ARB2A: variants seen among roughly 807,000 people sequenced by gnomAD.
ARB2A encodes the protein ARB2 cotranscriptional regulator A.
At chr5:93,798,115 G>C in the ARB2A span, among the ~76,000 whole-genome samples, 6 of 152,062 alleles carry the variant, frequency 3.9e-5, no homozygotes, top group African/African-American at 1.4e-4. Context: ...ACTATGCATA[G>C]GAATGAGGAA....
the ARB2A span, among the ~76,000 whole-genome samples, chr5:94,037,449 A>T: frequency 6.6e-6 from 1 of 152,146 alleles, no homozygotes; most frequent in Admixed American, 6.5e-5. Context: ...CCATTATAAC[A>T]GCAATAATAA....
the ARB2A span, among the ~76,000 whole-genome samples, chr5:93,749,446 C>A: frequency 4.6e-5 from 7 of 152,100 alleles, no homozygotes; most frequent in Non-Finnish European, 1.0e-4. Context: ...TTCAACTAAA[C>A]CATGGTAGCA....
chr5:93,922,406 T>G, the ARB2A span, among the ~76,000 whole-genome samples: 1 of 151,604 alleles, frequency 6.6e-6, no homozygotes, highest in Admixed American at 6.6e-5. Context: ...TGGTGGCGCA[T>G]GCCTATAATC....
At chr5:93,691,885 G>A in the ARB2A span, among the ~76,000 whole-genome samples, 4 of 152,102 alleles carry the variant, frequency 2.6e-5, no homozygotes, top group Non-Finnish European at 5.9e-5. Context: ...ACTCTTAAAT[G>A]AAAGAATTTT....
At chr5:93,759,001 C>A in the ARB2A span, among the ~76,000 whole-genome samples, 1 of 151,924 alleles carries the variant, frequency 6.6e-6, no homozygotes, top group Non-Finnish European at 1.5e-5. Flanking sequence ...AGACCATTGG[C>A]AAGATTAACC....
chr5:93,886,883 T>A, the ARB2A span, among the ~76,000 whole-genome samples: 1 of 151,764 alleles, frequency 6.6e-6, no homozygotes, highest in South Asian at 2.1e-4. Context: ...TGAAATCTAA[T>A]GCTGTGTGTG....
the ARB2A span, among the ~76,000 whole-genome samples, chr5:93,842,790 C>A: frequency 2.0e-5 from 3 of 152,168 alleles, no homozygotes; most frequent in Non-Finnish European, 4.4e-5. Context: ...ATTTTCCCAT[C>A]TTCCATTCCA....
the ARB2A span, among the ~76,000 whole-genome samples, chr5:93,621,392 C>T: frequency 1.3e-5 from 2 of 152,198 alleles, no homozygotes; most frequent in Non-Finnish European, 2.9e-5. Flanking sequence ...ACTCAGACTT[C>T]GCTATCCGCG....
chr5:93,827,995 C>T, the ARB2A span, among the ~76,000 whole-genome samples: 5 of 152,284 alleles, frequency 3.3e-5, no homozygotes, highest in South Asian at 1.0e-3. Context: ...TTACTGTAGC[C>T]TTGTAGTATA....
the ARB2A span, among the ~76,000 whole-genome samples, chr5:93,787,217 A>C: frequency 1.3e-5 from 2 of 152,166 alleles, no homozygotes; most frequent in Non-Finnish European, 2.9e-5. Flanking sequence ...TATATTCTTG[A>C]ATTATGAAAT....
At chr5:94,008,703 T>C in the ARB2A span, among the ~76,000 whole-genome samples, 3 of 152,178 alleles carry the variant, frequency 2.0e-5, no homozygotes, top group South Asian at 6.2e-4. Context: ...AATAAATCCA[T>C]ACGATTATAT....
chr5:93,734,439 G>A, the ARB2A span: 71 of 152,218 alleles, frequency 4.7e-4, no homozygotes, highest in African/African-American at 1.7e-3. Flanking sequence ...GAAGAGCCAC[G>A]GTCCTCTTTG....
chr5:93,671,047 A>G, the ARB2A span, among the ~76,000 whole-genome samples: 3 of 152,218 alleles, frequency 2.0e-5, no homozygotes, highest in African/African-American at 7.2e-5. Flanking sequence ...GCTGACACTG[A>G]TTATGCACTT....
the ARB2A span, among the ~76,000 whole-genome samples, chr5:93,772,226 T>C: frequency 6.6e-6 from 1 of 152,038 alleles, no homozygotes; most frequent in African/African-American, 2.4e-5. Context: ...AAACACTGCA[T>C]GTTCTCACTC....
chr5:93,982,591 C>A, the ARB2A span, among the ~76,000 whole-genome samples: 1 of 152,150 alleles, frequency 6.6e-6, no homozygotes, highest in African/African-American at 2.4e-5. Flanking sequence ...GACTTTGTTG[C>A]TGTATGAACA....
the ARB2A span, chr5:93,910,971 A>G: frequency 6.6e-6 from 1 of 151,550 alleles, no homozygotes; most frequent in African/African-American, 2.4e-5. Flanking sequence ...TTCAGAAGAG[A>G]GTCATCAAAA....
At chr5:93,831,404 T>C in the ARB2A span, among the ~76,000 whole-genome samples, 1 of 152,044 alleles carries the variant, frequency 6.6e-6, no homozygotes, top group East Asian at 1.9e-4. Context: ...GCTTTCCCTC[T>C]CACTATCTAT....
At chr5:93,635,459 G>GTTTTTTTTTTTTTTTTTTTTTTTT in the ARB2A span, among the ~76,000 whole-genome samples, 26 of 128,920 alleles carry the variant, frequency 2.0e-4, 1 homozygote, top group African/African-American at 7.6e-4. Flanking sequence ...TTATACGAAA[G>GTTTTTTTTTTTTTTTTTTTTTTTT]TTTTTTTTTT....
the ARB2A span, among the ~76,000 whole-genome samples, chr5:93,690,124 G>A: frequency 4.6e-5 from 7 of 152,258 alleles, no homozygotes; most frequent in Admixed American, 6.5e-5. Flanking sequence ...AAAACTGGGC[G>A]GCTGTTTGGG....
Sources: allele counts gnomAD v4.1 joint callset (sites outside exome capture counted in the v4.1 genomes callset), GRCh38; gene constraint gnomAD v4.1.1; transcripts MANE v1.5; gene names NCBI Gene and HGNC (gene_info 2026-07-23, HGNC 2026-07-21).